BMP7: variants seen among roughly 807,000 people sequenced by gnomAD.
BMP7 encodes the protein osteogenic protein 1.
In BMP7, 12 loss-of-function variants were observed where a neutral mutation model predicts 41.2. The observed-to-expected ratio is 0.29, with a 90% confidence interval of 0.19 to 0.47. BMP7 has a LOEUF of 0.47. BMP7 is among the 20% of genes least tolerant of loss of function. The pLI, the probability that BMP7 is intolerant of heterozygous loss-of-function variation, is 0.99. For synonymous variants in BMP7, 248 were observed against 250.0 expected (o/e 0.99, Z 0.07); for missense variants, 467 against 606.0 (o/e 0.77, Z 2.41).
At chr20:57,183,605 G>T (rs770164581) in intron 4 of BMP7, 117 bp downstream of exon 4, 3 of 1,348,986 alleles carry the variant, frequency 2.2e-6, no homozygotes, top group Non-Finnish European at 2.1e-6. Context: ...TGCTATATTT[G>T]TTCCAGAGCC....
chr20:57,175,893 G>A (rs1009335930), intron 4 of BMP7, among the ~76,000 whole-genome samples: 2 of 152,132 alleles, frequency 1.3e-5, no homozygotes, highest in Non-Finnish European at 2.9e-5. Context: ...CACTCCCACC[G>A]CAGGGCTCTT....
chr20:57,181,511 A>G (rs1984078813), intron 4 of BMP7, among the ~76,000 whole-genome samples: 1 of 144,280 alleles, frequency 6.9e-6, no homozygotes, highest in Non-Finnish European at 1.5e-5. Flanking sequence ...AAAAAAAAAA[A>G]GAAAAGAAAA....
At chr20:57,221,928 G>C (rs1985199241) in intron 2 of BMP7, among the ~76,000 whole-genome samples, 1 of 151,990 alleles carries the variant, frequency 6.6e-6, no homozygotes. Context: ...TTGTCATCAT[G>C]ACTGTTCCCA....
chr20:57,194,584 AT>A (rs2059824840), intron 3 of BMP7, among the ~76,000 whole-genome samples: 1 of 152,180 alleles, frequency 6.6e-6, no homozygotes, highest in Admixed American at 6.5e-5. Context: ...GAGATAAGAC[AT>A]CATTATTTTC....
rs558142924 is a variant in BMP7, at chr20:57,198,925, T to C, written c.760+3550A>G. On this transcript the variant is annotated intron_variant, in intron 3 of 6. Transcript: ENST00000395863. ...CCCAGGAGGTGTCCGGGCTCCAAAT[T>C]CCAGCAGCTGCTGGGGGCTCCTCTC... 1.2e-4 allele frequency among the ~76,000 whole-genome samples: 18 copies of C among 152,272 alleles called. No individual in the cohort carries two copies. In the South Asian group the frequency reaches 3.7e-3, roughly 32 times the overall value.
chr20:57,222,918 C>T (rs902183840), intron 2 of BMP7, among the ~76,000 whole-genome samples: 1 of 151,692 alleles, frequency 6.6e-6, no homozygotes, highest in African/African-American at 2.4e-5. Flanking sequence ...CAGTCCCTTT[C>T]CTGTGCCATT....
intron 3 of BMP7, among the ~76,000 whole-genome samples, chr20:57,193,825 G>A (rs1005906991): frequency 2.0e-5 from 3 of 152,140 alleles, no homozygotes; most frequent in Admixed American, 6.5e-5. Context: ...CGCTGTAGGC[G>A]CCCTCTGTTC....
Position 57,228,171 on chromosome 20 carries a change from C to T in BMP7, c.611+58G>A. 3 of 1,576,676 alleles carry T rather than the reference C, an allele frequency of 1.9e-6. No homozygotes were observed. Among genetic ancestry groups the T allele is most frequent in the Non-Finnish European group, 2.6e-6 (3 of 1,148,022 alleles). On this transcript the variant is annotated intron_variant, in intron 2 of 6. Coordinates refer to ENST00000395863, the MANE Select transcript of BMP7 (RefSeq NM_001719.3). The surrounding 1 kb of genome is among the most constrained non-coding windows in gnomAD (Gnocchi z 4.5). The stretch of plus-strand genomic sequence containing the variant: ...CCCATCCTCTGGCCCTCACCACCTT[C>T]TTCCTCTGCCCCCAGAGGAAACTCA...
In BMP7 at chr20:57,228,218, AT is replaced by A. The variant is rs766762553; in HGVS notation, c.611+10del. The A allele has an allele frequency of 1.9e-6, 3 of 1,612,624 alleles. No homozygotes were observed. Among genetic ancestry groups the A allele is most frequent in the South Asian group, 2.2e-5 (2 of 90,994 alleles). On this transcript the variant is annotated intron_variant, in intron 2 of 6. Coordinates refer to ENST00000395863, the MANE Select transcript of BMP7 (RefSeq NM_001719.3). This position sits in a 1 kb window ranked among gnomAD's most constrained non-coding sequence, Gnocchi z 4.5. ...CTCAGCACCTCTCCCAGATACCCGTATAGCACCCACCTGCCCAAGTGCTCCT... is the reference window on the plus strand; with the variant it reads ...CTCAGCACCTCTCCCAGATACCCGTAAGCACCCACCTGCCCAAGTGCTCCT...
chr20:57,212,953 C>T (rs10470036), intron 2 of BMP7, among the ~76,000 whole-genome samples: 3,565 of 152,356 alleles, frequency 0.023, 169 homozygotes, highest in African/African-American at 0.082. Context: ...TGGCATCCCC[C>T]AGACGGGAAG....
At chr20:57,239,520 G>T (rs2066061220) in intron 1 of BMP7, among the ~76,000 whole-genome samples, 1 of 152,246 alleles carries the variant, frequency 6.6e-6, no homozygotes, top group East Asian at 1.9e-4. Flanking sequence ...ACCATTCTGG[G>T]GTCTGGAGGA....
Position 57,265,584 on chromosome 20 carries a change from G to A in BMP7, c.418+121C>T. 3.5e-6 allele frequency: 5 copies of A among 1,441,964 alleles called. No homozygotes were observed. In the South Asian group the frequency reaches 4.9e-5, roughly 14 times the overall value. The allele number at this position is 1,441,964 out of a possible 1,614,324, so 89.3% of individuals were successfully genotyped here. On this transcript the variant is annotated intron_variant, in intron 1 of 6. Coordinates refer to ENST00000395863, the MANE Select transcript of BMP7 (RefSeq NM_001719.3). ...CTGTGGGTGGGAGACCCTCGGGCAG[G>A]CACTGCGATTTCAGCCAGGAGCGGA...
At chr20:57,234,185 C>A (rs982028491) in intron 1 of BMP7, among the ~76,000 whole-genome samples, 1 of 152,202 alleles carries the variant, frequency 6.6e-6, no homozygotes, top group Non-Finnish European at 1.5e-5. Context: ...TGTTCCATGA[C>A]CCTCTTCTCC....
intron 3 of BMP7, among the ~76,000 whole-genome samples, chr20:57,194,393 G>A (rs750446408): frequency 2.2e-4 from 34 of 152,128 alleles, no homozygotes; most frequent in Non-Finnish European, 3.8e-4. Context: ...AGTCAGGAAC[G>A]CATGATCTGT....
intron 2 of BMP7, among the ~76,000 whole-genome samples, chr20:57,216,289 C>T (rs753187105): frequency 4.6e-5 from 7 of 152,176 alleles, no homozygotes; most frequent in Non-Finnish European, 7.3e-5. Flanking sequence ...TGTCATGCTT[C>T]AGTGACCCCA....
At chr20:57,223,989 C>T (rs184447559) in intron 2 of BMP7, among the ~76,000 whole-genome samples, 2 of 152,346 alleles carry the variant, frequency 1.3e-5, no homozygotes, top group Admixed American at 1.3e-4. Flanking sequence ...TCCAGCCCCA[C>T]CTACCTTCTC....
At chr20:57,256,388 C>T (rs1479800928) in intron 1 of BMP7, among the ~76,000 whole-genome samples, 2 of 152,120 alleles carry the variant, frequency 1.3e-5, no homozygotes, top group African/African-American at 2.4e-5. Context: ...ATCATGATAG[C>T]GTGGTGTCAT....
rs548372978 is a variant in BMP7 at position 57,223,633 on chromosome 20, C to T, written c.611+4596G>A. Among the ~76,000 whole-genome samples the T allele has an allele frequency of 1.6e-4, 25 of 152,304 alleles. No individual in the cohort carries two copies. The East Asian group carries it at 3.9e-3, about 24-fold the overall frequency. ...TACTTCCCACCTCTGAGCCAGGCTC[C>T]GCACCTGTAAAATGGGGATGATACA... On this transcript the variant is annotated intron_variant, in intron 2 of 6. Coordinates refer to ENST00000395863, the MANE Select transcript of BMP7 (RefSeq NM_001719.3).
intron 3 of BMP7, among the ~76,000 whole-genome samples, chr20:57,197,378 A>T (rs1390600715): frequency 6.6e-6 from 1 of 152,106 alleles, no homozygotes; most frequent in Non-Finnish European, 1.5e-5. Flanking sequence ...AACATGTTAG[A>T]GGGTCCTGGG....
Sources: gnomAD v4.1 joint callset for allele counts (sites outside exome capture counted in the v4.1 genomes callset) on GRCh38, gnomAD v4.1.1 for gene constraint, Gnocchi (gnomAD v3.1) non-coding constraint, MANE v1.5 for transcripts, NCBI Gene and HGNC (gene_info 2026-07-23, HGNC 2026-07-21) for gene names.